Variants in SMURF1 observed in about 807,000 individuals in gnomAD.
The protein encoded by SMURF1 is E3 ubiquitin-protein ligase SMURF1.
SMURF1 carries 44 observed loss-of-function variants against 98.0 expected under a neutral mutation model. The ratio of observed to expected loss-of-function variants is 0.45; its 90% CI spans 0.35 to 0.58. The LOEUF is 0.58. SMURF1 is among the 20% of genes least tolerant of loss of function. The probability of loss-of-function intolerance (pLI) is 0.00; values close to 1 mark genes in which losing one functional copy is unlikely to be tolerated. For missense variants in SMURF1, 687 were observed against 938.4 expected (o/e 0.73, Z 3.50); for synonymous variants, 396 against 374.9 (o/e 1.06, Z -0.65).
chr7:99,098,401 C>G lies in SMURF1; in HGVS notation c.56-36564G>C, dbSNP rs750216957. ...TGGCTGGGAGGGAAAAAAAATGACT[C>G]TAATCAAAGAGAGAGAAGTATGCAT... is the stretch of plus-strand genomic sequence containing the variant. On this transcript the variant is annotated intron_variant, in intron 1 of 17. Transcript: ENST00000361368. 3.3e-5 allele frequency among the ~76,000 whole-genome samples: 5 copies of G among 152,098 alleles called. No homozygotes were observed. The South Asian group carries it at 8.3e-4, about 25-fold the overall frequency.
chr7:99,117,183 T>C (rs192917649), intron 1 of SMURF1, among the ~76,000 whole-genome samples: 1 of 152,222 alleles, frequency 6.6e-6, no homozygotes, highest in East Asian at 1.9e-4. Context: ...GACCCCCCTA[T>C]GTCACACTAT....
intron 1 of SMURF1, among the ~76,000 whole-genome samples, chr7:99,105,809 C>G (rs1250442704): frequency 6.6e-6 from 1 of 152,226 alleles, no homozygotes; most frequent in Non-Finnish European, 1.5e-5. Context: ...GATGAAGACT[C>G]TCTATATCGC....
At position 99,079,231 on chromosome 7, in the gene SMURF1, C is replaced by G. The variant is rs1366565200; in HGVS notation, c.56-17394G>C. On this transcript the variant is annotated intron_variant, in intron 1 of 17. Transcript: ENST00000361368. ...TCATTGCTTGGCCATGCCCACCCCC[C>G]AGTGGAGGTAATGACCAGGCTCGTT... Among the ~76,000 whole-genome samples the G allele has an allele frequency of 3.9e-5, 6 of 152,242 alleles. 1 individual carries two copies. Among genetic ancestry groups the G allele is most frequent in the Non-Finnish European group, 8.8e-5 (6 of 68,046 alleles).
At chr7:99,127,803 A>T (rs1247830260) in intron 1 of SMURF1, among the ~76,000 whole-genome samples, 1 of 152,158 alleles carries the variant, frequency 6.6e-6, no homozygotes, top group African/African-American at 2.4e-5. Flanking sequence ...GAAATGAAAC[A>T]CTGGGAGTAA....
At chr7:99,108,241 G>A (rs1378757489) in intron 1 of SMURF1, among the ~76,000 whole-genome samples, 3 of 151,686 alleles carry the variant, frequency 2.0e-5, no homozygotes, top group South Asian at 2.1e-4. Flanking sequence ...GTTTTGATAC[G>A]GAGTCTCGCT....
intron 11 of SMURF1, among the ~76,000 whole-genome samples, chr7:99,043,929 G>T (rs1041762890): frequency 1.3e-5 from 2 of 152,176 alleles, no homozygotes; most frequent in Non-Finnish European, 2.9e-5. Context: ...GACAACCACG[G>T]CACAGAGGAG....
chr7:99,033,127 A>G lies in SMURF1; in HGVS notation c.2012-6T>C. The G allele has an allele frequency of 6.4e-7, 1 of 1,568,490 alleles. No homozygotes were observed. Among genetic ancestry groups the G allele is most frequent in the Non-Finnish European group, 8.7e-7 (1 of 1,156,016 alleles). On this transcript the variant is annotated splice_polypyrimidine_tract_variant and splice_region_variant and intron_variant, in intron 16 of 17. Coordinates refer to ENST00000361368, the MANE Select transcript of SMURF1 (RefSeq NM_181349.3). ...CCCTGCCGCGCCTGTAGAACCTTACAAGACAACATTCTAGTTAATGTACTT... is the reference window on the plus strand; with the variant it reads ...CCCTGCCGCGCCTGTAGAACCTTACGAGACAACATTCTAGTTAATGTACTT...
intron 13 of SMURF1, among the ~76,000 whole-genome samples, chr7:99,039,974 A>G (rs545328033): frequency 3.3e-4 from 51 of 152,284 alleles, no homozygotes; most frequent in African/African-American, 1.2e-3. Context: ...TGTCTCACAC[A>G]CACCCCACAA....
rs759288763 is a variant in SMURF1 at position 99,038,389 on chromosome 7, G to A, written c.1687C>T (p.Arg563Trp). Residue 563 changes from arginine (R) to tryptophan (W), a missense_variant and splice_region_variant, in exon 14 of 18, where the codon CGG becomes TGG. Around this residue, in one of 2 missense-constraint regions of SMURF1, gnomAD observed 272 missense variants for 430.0 expected, o/e 0.63. Transcript: ENST00000361368. ...GCCGTCCCCGACAGGTGGCATTACC[G>A]GACGTATTCTTTCTTATTCTCCTCT... The part of the protein sequence containing the change: ...VTEENKKEYV[R>W]LYVNWRFMRG... The A allele has an allele frequency of 3.1e-6, 5 of 1,613,892 alleles. No individual in the cohort carries two copies. Among genetic ancestry groups the A allele is most frequent in the Non-Finnish European group, 3.4e-6 (4 of 1,179,974 alleles).
intron 1 of SMURF1, among the ~76,000 whole-genome samples, chr7:99,108,611 CAAAAAAA>C (rs11458541): frequency 3.4e-5 from 2 of 58,584 alleles, no homozygotes; most frequent in African/African-American, 1.2e-4. Flanking sequence ...AACTCTGTCT[CAAAAAAA>C]AAAAAAAAAA....
chr7:99,135,843 A>G (rs1797980508), intron 1 of SMURF1, among the ~76,000 whole-genome samples: 1 of 152,250 alleles, frequency 6.6e-6, no homozygotes, highest in Non-Finnish European at 1.5e-5. Flanking sequence ...TACTCTATCA[A>G]TTTATATTCT....
intron 5 of SMURF1, 85 bp downstream of exon 5, chr7:99,057,120 G>A: frequency 7.0e-7 from 1 of 1,436,386 alleles, no homozygotes; most frequent in Non-Finnish European, 9.8e-7. Context: ...AGCATCGTCA[G>A]TGCCTGTATG....
chr7:99,132,673 G>A (rs1797895784), intron 1 of SMURF1, among the ~76,000 whole-genome samples: 1 of 149,216 alleles, frequency 6.7e-6, no homozygotes, highest in African/African-American at 2.5e-5. Flanking sequence ...AAGAGGAAGA[G>A]TATTATAACA....
chr7:99,033,124 TA>T lies in SMURF1; in HGVS notation c.2012-4del. On this transcript the variant is annotated splice_region_variant and splice_polypyrimidine_tract_variant and intron_variant, in intron 16 of 17. Transcript: ENST00000361368. ...GGGCCCTGCCGCGCCTGTAGAACCT[TA>T]CAAGACAACATTCTAGTTAATGTAC... 1 of 1,570,412 alleles carries T rather than the reference TA, an allele frequency of 6.4e-7. No homozygotes were observed.
Position 99,063,278 on chromosome 7 carries a change from TATATATATATATATATATATATATATAA to T in SMURF1, c.56-1469_56-1442del, listed in dbSNP as rs1563012838. On this transcript the variant is annotated intron_variant, in intron 1 of 17. Transcript: ENST00000361368. ...ATATATATATATATATATATATATA[TATATATATATATATATATATATATATAA>T]AAAGAGACAGGGTCTCACTCCGTCA... 8.0e-3 allele frequency among the ~76,000 whole-genome samples: 116 copies of T among 14,490 alleles called. 3 individuals carry two copies. Among genetic ancestry groups the T allele is most frequent in the African/African-American group, 0.016 (98 of 6,084 alleles). 9.5% of individuals were successfully genotyped at this position (14,490 alleles called of 152,430 possible).
chr7:99,053,930 T>G (rs752322083), intron 6 of SMURF1, among the ~76,000 whole-genome samples: 1 of 152,162 alleles, frequency 6.6e-6, no homozygotes, highest in Admixed American at 6.5e-5. Flanking sequence ...ATGGCAGTTA[T>G]AATTCTTTTC....
intron 1 of SMURF1, among the ~76,000 whole-genome samples, chr7:99,103,093 A>G (rs551148707): frequency 3.0e-4 from 45 of 152,302 alleles, no homozygotes; most frequent in African/African-American, 1.1e-3. Context: ...ATGAGCCACC[A>G]CACCCGGTTA....
Position 99,113,681 on chromosome 7 carries a change from A to T in SMURF1, c.55+30045T>A, listed in dbSNP as rs61532425. ...CGGTGAAACCCTGTCACTACTAAAA[A>T]TACAAAACAGTAGCTGGGTGTGGTG... On this transcript the variant is annotated intron_variant, in intron 1 of 17. Transcript: ENST00000361368. Among the ~76,000 whole-genome samples the T allele has an allele frequency of 8.7e-3, 1,318 of 152,056 alleles. 22 individuals are homozygous for T. Among genetic ancestry groups the T allele is most frequent in the African/African-American group, 0.029 (1,196 of 41,474 alleles).
At chr7:99,053,764 T>C (rs532535006) in intron 6 of SMURF1, among the ~76,000 whole-genome samples, 1 of 152,326 alleles carries the variant, frequency 6.6e-6, no homozygotes, top group South Asian at 2.1e-4. Context: ...CAATTACTGC[T>C]TGTTGGCCAG....
Sources: gnomAD v4.1 joint callset for allele counts (sites outside exome capture counted in the v4.1 genomes callset) on GRCh38, gnomAD v4.1.1 for gene constraint, gnomAD v4.1.1 regional missense constraint, MANE v1.5 for transcripts, NCBI Gene and HGNC (gene_info 2026-07-23, HGNC 2026-07-21) for gene names.